FRY: variants seen among roughly 807,000 people sequenced by gnomAD.
FRY encodes protein furry homolog.
A neutral mutation model predicts 348.4 loss-of-function variants in FRY; 128 were observed. The observed-to-expected ratio is 0.37, with a 90% CI of 0.32 to 0.43. The LOEUF is 0.43. Ranked by LOEUF, FRY falls within the 20% of genes least tolerant of loss-of-function variation. The pLI is 1.00. For missense variants in FRY, 2,736 were observed against 3,695.2 expected (o/e 0.74, Z 6.73); for synonymous variants, 1,370 against 1,374.7 (o/e 1.00, Z 0.08).
At chr13:32,070,020 A>G (rs1252975512) in intron 1 of FRY, among the ~76,000 whole-genome samples, 2 of 152,134 alleles carry the variant, frequency 1.3e-5, no homozygotes, top group African/African-American at 4.8e-5. Flanking sequence ...ACCGTCATCC[A>G]TGTCCCTGCA....
intron 51 of FRY, among the ~76,000 whole-genome samples, chr13:32,259,388 T>C (rs1887509011): frequency 6.6e-6 from 1 of 152,204 alleles, no homozygotes; most frequent in South Asian, 2.1e-4. Flanking sequence ...CAAACCTTAT[T>C]CCTCCAAGAA....
intron 7 of FRY, among the ~76,000 whole-genome samples, chr13:32,125,122 G>A (rs1878941878): frequency 6.6e-6 from 1 of 152,184 alleles, no homozygotes; most frequent in African/African-American, 2.4e-5. Context: ...CAAAGAAATG[G>A]GGTGACCAGA....
rs1216598302 is a variant in FRY at position 32,232,305 on chromosome 13, G to A, written c.5527+1005G>A. Among the ~76,000 whole-genome samples the A allele has an allele frequency of 2.0e-5, 3 of 152,190 alleles. No homozygotes were observed. In the East Asian group the frequency reaches 5.8e-4, roughly 29 times the overall value. On this transcript the variant is annotated intron_variant, in intron 41 of 60. Coordinates refer to ENST00000542859, the MANE Select transcript of FRY (RefSeq NM_023037.3). ...GAATTCTTGGAGGGTACTTCAGGCT[G>A]CATAAAGTCTAAGTCTTTTTGCACC...
chr13:32,252,104 C>T lies in FRY; in HGVS notation c.7245+152C>T, dbSNP rs1887113951. On this transcript the variant is annotated intron_variant, in intron 50 of 60. Transcript: ENST00000542859. The stretch of plus-strand genomic sequence containing the variant: ...GAGCAAACCCCTGGACTATTTCTCC[C>T]CACACCATGATTTTTAATCACACTG... The T allele has an allele frequency of 7.9e-5, 54 of 685,172 alleles. No homozygotes were observed. The South Asian group carries it at 8.5e-4, about 11-fold the overall frequency. 42.4% of individuals were successfully genotyped at this position (685,172 alleles called of 1,614,324 possible).
chr13:32,103,290 G>A (rs75466404), intron 3 of FRY, among the ~76,000 whole-genome samples: 1,633 of 152,328 alleles, frequency 0.011, 32 homozygotes, highest in African/African-American at 0.037. Flanking sequence ...CAGGTGCTGA[G>A]GTGGTCAGAG....
intron 59 of FRY, among the ~76,000 whole-genome samples, chr13:32,293,636 T>C (rs945853403): frequency 6.6e-6 from 1 of 152,248 alleles, no homozygotes; most frequent in African/African-American, 2.4e-5. Context: ...CACTTAGAAG[T>C]GACACAGGTT....
intron 31 of FRY, 57 bp from the exon 32 acceptor site, chr13:32,208,796 C>G: frequency 1.2e-6 from 2 of 1,605,642 alleles, no homozygotes; most frequent in Non-Finnish European, 8.5e-7. Context: ...TTTGAATTTC[C>G]ATTTATTTTG....
At chr13:32,170,881 G>A (rs886961777) in intron 17 of FRY, 131 bp from the exon 18 acceptor site, 19 of 735,664 alleles carry the variant, frequency 2.6e-5, no homozygotes, top group Non-Finnish European at 4.3e-5. Flanking sequence ...CATTTACTAA[G>A]CAAAAAATAA....
At chr13:32,275,581 C>T (rs1208302214) in intron 56 of FRY, among the ~76,000 whole-genome samples, 2 of 152,334 alleles carry the variant, frequency 1.3e-5, no homozygotes, top group East Asian at 3.9e-4. Flanking sequence ...ATGACTCTGA[C>T]TTTGACAGCT....
At chr13:32,070,558 G>T (rs1367853419) in intron 1 of FRY, among the ~76,000 whole-genome samples, 364 of 144,554 alleles carry the variant, frequency 2.5e-3, no homozygotes, top group Admixed American at 6.1e-3. Flanking sequence ...TTTTTGATGG[G>T]TTTTTTTTTT....
chr13:32,169,911 A>G (rs180806233), intron 17 of FRY, among the ~76,000 whole-genome samples: 170 of 152,354 alleles, frequency 1.1e-3, no homozygotes, highest in Non-Finnish European at 1.7e-3. Context: ...GAATTCTGTT[A>G]ACTTACTCAA....
rs968815089 is a variant in FRY at position 32,064,831 on chromosome 13, T to C, written c.71-14003T>C. 5.9e-5 allele frequency among the ~76,000 whole-genome samples: 9 copies of C among 152,240 alleles called. 1 individual carries two copies. Among genetic ancestry groups the C allele is most frequent in the Non-Finnish European group, 1.3e-4 (9 of 68,040 alleles). On this transcript the variant is annotated intron_variant, in intron 1 of 60. Transcript: ENST00000542859. ...CTAAGGTCTTAATGAAAATTCTTTA[T>C]TTAATGATTTGATTAATTGATCACA...
In FRY at chr13:32,135,163, T is replaced by G. The variant is rs750597475; in HGVS notation, c.1057T>G (p.Ser353Ala). 4 of 1,608,282 alleles carry G rather than the reference T, an allele frequency of 2.5e-6. No individual in the cohort carries two copies. Among genetic ancestry groups the G allele is most frequent in the Admixed American group, 1.7e-5 (1 of 60,008 alleles). ...SLYDTTLELSSRKKHSLALYP... is the reference protein window; with the variant it reads ...SLYDTTLELSARKKHSLALYP... Reference sequence around the variant, plus strand: ...GTATGACACCACGCTGGAACTTTCTTCTCGAAAGAAGCATTCCTTGGTTAG... The same window carrying G: ...GTATGACACCACGCTGGAACTTTCTGCTCGAAAGAAGCATTCCTTGGTTAG... Residue 353 changes from serine to alanine, a missense_variant, in exon 10 of 61, where the codon TCT (serine) becomes GCT (alanine). By Grantham distance (99) the Ser-to-Ala change is moderately conservative. Coordinates refer to ENST00000542859, the MANE Select transcript of FRY (RefSeq NM_023037.3).
chr13:32,111,311 A>C (rs572275004), intron 3 of FRY, among the ~76,000 whole-genome samples: 130 of 152,126 alleles, frequency 8.5e-4, no homozygotes, highest in African/African-American at 3.1e-3. Flanking sequence ...AACATGGTGA[A>C]ACCCCATCTC....
Position 32,173,540 on chromosome 13 carries a change from G to T in FRY, c.2325G>T (p.Gly775=). 1 of 1,612,426 alleles carries T rather than the reference G, an allele frequency of 6.2e-7. No homozygotes were observed. Among genetic ancestry groups the T allele is most frequent in the Non-Finnish European group, 8.5e-7 (1 of 1,178,838 alleles). The part of the protein sequence containing the change: ...KEIRALFIAL[G]QPEDDDRPMI... ...TTCGAGCGTTGTTTATTGCCCTGGG[G>T]CAGCCTGAGGTATGGATTAGTCTTC... The change falls in exon 19 of 61, where the codon GGG becomes GGT. Residue 775 remains glycine (G), a synonymous_variant. Transcript: ENST00000542859.
At chr13:32,062,462 A>G (rs1566050171) in intron 1 of FRY, among the ~76,000 whole-genome samples, 1 of 152,066 alleles carries the variant, frequency 6.6e-6, no homozygotes, top group African/African-American at 2.4e-5. Context: ...ACAGTTAGTA[A>G]AGTTTTAGGT....
chr13:32,276,505 G>C lies in FRY; in HGVS notation c.8328G>C (p.Val2776=). ...CGLLDKLKFS[V]LELQEYLDTY... ...TTCTGGACAAGCTCAAGTTCAGTGT[G>C]TTAGAACTGCAAGAATATTTGGATA... Residue 2776 remains valine, a synonymous_variant, in exon 57 of 61, where the codon GTG becomes GTC. Transcript: ENST00000542859. The C allele has an allele frequency of 6.2e-7, 1 of 1,606,704 alleles. No homozygotes were observed.
intron 2 of FRY, among the ~76,000 whole-genome samples, chr13:32,096,819 A>AG (rs1876760749): frequency 6.6e-6 from 1 of 151,418 alleles, no homozygotes; most frequent in Non-Finnish European, 1.5e-5. Context: ...AAAAAAAAAA[A>AG]AAAAAAGATA....
intron 55 of FRY, among the ~76,000 whole-genome samples, chr13:32,273,219 G>GTTCTTTT (rs1337721955): frequency 1.4e-5 from 2 of 140,116 alleles, no homozygotes; most frequent in East Asian, 4.2e-4. Flanking sequence ...TCATTTAACT[G>GTTCTTTT]TTCTTTTTTT....
Sources: allele counts gnomAD v4.1 joint callset (sites outside exome capture counted in the v4.1 genomes callset), GRCh38; gene constraint gnomAD v4.1.1; transcripts MANE v1.5; gene names NCBI Gene and HGNC (gene_info 2026-07-23, HGNC 2026-07-21).